RGS7: variants seen among roughly 807,000 people sequenced by gnomAD.
The protein encoded by RGS7 is regulator of G protein signaling 7, also known as regulator of G-protein signaling 7.
A neutral mutation model predicts 81.1 loss-of-function variants in RGS7; 27 were observed. The observed-to-expected ratio is 0.33, with a 90% CI of 0.25 to 0.46. RGS7 has a LOEUF of 0.46. Ranked by LOEUF, RGS7 falls within the 20% of genes least tolerant of loss-of-function variation. The probability of loss-of-function intolerance (pLI) is 1.00; values close to 1 mark genes in which losing one functional copy is unlikely to be tolerated. For synonymous variants in RGS7, 208 were observed against 207.7 expected, an observed-to-expected ratio of 1.00 and a Z score of -0.01; for missense variants, 396 against 607.4, an observed-to-expected ratio of 0.65 and a Z score of 3.66.
chr1:241,049,283 C>CA (rs1234144010), intron 3 of RGS7, among the ~76,000 whole-genome samples: 1 of 152,192 alleles, frequency 6.6e-6, no homozygotes, highest in Non-Finnish European at 1.5e-5. Flanking sequence ...CTTTTACATT[C>CA]AACTGGACAT....
chr1:241,157,706 T>C (rs2069274335), intron 2 of RGS7, among the ~76,000 whole-genome samples: 2 of 152,180 alleles, frequency 1.3e-5, no homozygotes, highest in Non-Finnish European at 2.9e-5. Flanking sequence ...GTTTTCAGGC[T>C]TTTCAGTGGT....
At chr1:240,779,336 A>C (rs1172825208) in intron 18 of RGS7, among the ~76,000 whole-genome samples, 1 of 152,020 alleles carries the variant, frequency 6.6e-6, no homozygotes. Context: ...TTGTACTTTT[A>C]GTAGGGCCAG....
intron 7 of RGS7, among the ~76,000 whole-genome samples, chr1:240,869,274 C>T (rs1182521977): frequency 2.0e-5 from 3 of 151,982 alleles, no homozygotes; most frequent in East Asian, 1.9e-4. Flanking sequence ...CACACCCTGG[C>T]GGCCCACAAC....
rs962810270 is a variant in RGS7 at position 241,164,749 on chromosome 1, G to T, written c.79-65987C>A. On this transcript the variant is annotated intron_variant, in intron 2 of 18. Transcript: ENST00000440928. This position sits in a 1 kb window ranked among gnomAD's most constrained non-coding sequence, Gnocchi z 4.1. ...AACACATCCCCTACTCAGATTCTGC[G>T]CATGGGCCACCGATTTGCAAGTGGC... is the stretch of plus-strand genomic sequence containing the variant. Among the ~76,000 whole-genome samples the T allele has an allele frequency of 7.9e-5, 12 of 152,148 alleles. No homozygotes were observed. Among genetic ancestry groups the T allele is most frequent in the Admixed American group, 6.5e-4 (10 of 15,282 alleles).
At chr1:241,005,132 C>T (rs1209195825) in intron 3 of RGS7, among the ~76,000 whole-genome samples, 2 of 152,158 alleles carry the variant, frequency 1.3e-5, no homozygotes, top group Non-Finnish European at 2.9e-5. Flanking sequence ...CAGCTTCCTC[C>T]CCCATTCTTT....
rs1265284096 is a variant in RGS7 at position 241,326,917 on chromosome 1, G to GA, written c.78+28781dup. On this transcript the variant is annotated intron_variant, in intron 2 of 18. Transcript: ENST00000440928. Reference sequence around the variant, plus strand: ...AGAGTGAGACACTGTCAAAAAAAGAGAAAAAAAATTAAGAAAGAGAGAGAG... The same window carrying GA: ...AGAGTGAGACACTGTCAAAAAAAGAGAAAAAAAAATTAAGAAAGAGAGAGAG... 1.9e-3 allele frequency among the ~76,000 whole-genome samples: 261 copies of GA among 139,644 alleles called. 1 individual carries two copies. The highest frequency in any genetic ancestry group is 6.7e-3 in the African/African-American group (252 of 37,536). 91.6% of individuals were successfully genotyped at this position (139,644 alleles called of 152,430 possible).
intron 2 of RGS7, among the ~76,000 whole-genome samples, chr1:241,319,866 G>A (rs2148599841): frequency 6.6e-6 from 1 of 152,286 alleles, no homozygotes; most frequent in East Asian, 1.9e-4. Context: ...GCTGAGGCGG[G>A]CAGATCACGA....
intron 9 of RGS7, among the ~76,000 whole-genome samples, chr1:240,840,173 C>T (rs1158300198): frequency 6.6e-6 from 1 of 152,246 alleles, no homozygotes; most frequent in East Asian, 1.9e-4. Context: ...TAAACTACAG[C>T]GACATCACAT....
rs944776695 is a variant in RGS7 at position 241,097,692 on chromosome 1, C to A, written c.175+974G>T. ...TTTCCTAAGCTGTGCCAGGCCATGC[C>A]CCAGCACATCCCAGGCCCCAAAACT... On this transcript the variant is annotated intron_variant, in intron 3 of 18. Coordinates refer to ENST00000440928, the MANE Select transcript of RGS7 (RefSeq NM_001364886.1). 3.9e-5 allele frequency among the ~76,000 whole-genome samples: 6 copies of A among 152,064 alleles called. No individual in the cohort carries two copies. The South Asian group carries it at 6.2e-4, about 16-fold the overall frequency.
rs185766323 is a variant in RGS7 at position 240,920,302 on chromosome 1, G to A, written c.385+10415C>T. The A allele has an allele frequency of 9.7e-4, 1,359 of 1,400,058 alleles. 6 individuals carry two copies. The highest frequency in any genetic ancestry group is 1.7e-3 in the Middle Eastern group (7 of 4,096). 86.7% of individuals were successfully genotyped at this position (1,400,058 alleles called of 1,614,324 possible). ...TTTGGTGGGAATGACAACTTTGGTC[G>A]TGGAGGAAACTTCAGTGGTCATGGT... is the stretch of plus-strand genomic sequence containing the variant. On this transcript the variant is annotated intron_variant, in intron 6 of 18. Transcript: ENST00000440928.
intron 2 of RGS7, among the ~76,000 whole-genome samples, chr1:241,237,208 T>C (rs1558222288): frequency 6.6e-6 from 1 of 152,236 alleles, no homozygotes; most frequent in Non-Finnish European, 1.5e-5. Flanking sequence ...TACACGTGAC[T>C]TCTGGAACAC....
At chr1:240,945,391 G>A (rs1391023353) in intron 4 of RGS7, among the ~76,000 whole-genome samples, 1 of 152,168 alleles carries the variant, frequency 6.6e-6, no homozygotes, top group Non-Finnish European at 1.5e-5. Flanking sequence ...TTATGAGTGT[G>A]TTCTATTTAC....
intron 2 of RGS7, among the ~76,000 whole-genome samples, chr1:241,349,841 C>G (rs1214046094): frequency 6.6e-6 from 1 of 152,208 alleles, no homozygotes; most frequent in Non-Finnish European, 1.5e-5. Context: ...AGTCACTAAA[C>G]TGTCCAAATT....
At chr1:241,301,068 A>G (rs2079724516) in intron 2 of RGS7, among the ~76,000 whole-genome samples, 2 of 152,182 alleles carry the variant, frequency 1.3e-5, no homozygotes, top group African/African-American at 4.8e-5. Flanking sequence ...AGCCATATCT[A>G]TGCCAAAGCC....
At chr1:240,913,449 G>T (rs571837060) in intron 6 of RGS7, among the ~76,000 whole-genome samples, 3 of 152,098 alleles carry the variant, frequency 2.0e-5, no homozygotes, top group Admixed American at 1.3e-4. Flanking sequence ...GAATATTTTC[G>T]AAAGGAGTAG....
At chr1:241,104,021 C>T (rs570803214) in intron 2 of RGS7, among the ~76,000 whole-genome samples, 6 of 152,318 alleles carry the variant, frequency 3.9e-5, no homozygotes, top group African/African-American at 1.4e-4. Context: ...CCTGACTGTA[C>T]TACTTACAAG....
chr1:241,198,703 T>C (rs530181020), intron 2 of RGS7, among the ~76,000 whole-genome samples: 8 of 152,312 alleles, frequency 5.3e-5, no homozygotes, highest in Non-Finnish European at 8.8e-5. Flanking sequence ...AAACTTTTCA[T>C]AGGAAAATCT....
chr1:240,775,975 AAC>A lies in RGS7; in HGVS notation c.*243_*244del, dbSNP rs1682870297. On this transcript the variant is annotated 3_prime_UTR_variant, in exon 19 of 19. Coordinates refer to ENST00000440928, the MANE Select transcript of RGS7 (RefSeq NM_001364886.1). Reference sequence around the variant, plus strand: ...TAGTAGAAGGAGAAAGAAAGCAGACAACAGTTTGGAATGGAGGCATTGAGACG... The same window carrying A: ...TAGTAGAAGGAGAAAGAAAGCAGACAAGTTTGGAATGGAGGCATTGAGACG... The A allele has an allele frequency of 1.6e-6, 1 of 622,554 alleles. No homozygotes were observed. Among genetic ancestry groups the A allele is most frequent in the South Asian group, 1.9e-5 (1 of 53,894 alleles). The allele number at this position is 622,554 out of a possible 1,614,324, so 38.6% of individuals were successfully genotyped here. A position where few individuals can be genotyped will look rare whatever the true frequency, so the allele number is the denominator to read the frequency against.
rs12024197 is a variant in RGS7 at position 241,252,989 on chromosome 1, A to G, written c.78+102710T>C. Reference sequence around the variant, plus strand: ...CTTTCCAGATATTTGGGGAAAGCCAATGTAATACATAGCACCCTAGGTCAG... The same window carrying G: ...CTTTCCAGATATTTGGGGAAAGCCAGTGTAATACATAGCACCCTAGGTCAG... On this transcript the variant is annotated intron_variant, in intron 2 of 18. Coordinates refer to ENST00000440928, the MANE Select transcript of RGS7 (RefSeq NM_001364886.1). Among the ~76,000 whole-genome samples the G allele has an allele frequency of 3.3e-3, 496 of 152,328 alleles. 17 individuals are homozygous for G. In the East Asian group the frequency reaches 0.072, roughly 22 times the overall value.
Sources: allele counts gnomAD v4.1 joint callset (sites outside exome capture counted in the v4.1 genomes callset), GRCh38; gene constraint gnomAD v4.1.1; non-coding constraint Gnocchi (gnomAD v3.1); transcripts MANE v1.5; gene names NCBI Gene and HGNC (gene_info 2026-07-23, HGNC 2026-07-21).